DDX4: variants seen among roughly 807,000 people sequenced by gnomAD.
The protein encoded by DDX4 is DEAD-box helicase 4.
In DDX4, 25 loss-of-function variants were observed where a neutral mutation model predicts 100.0. The ratio of observed to expected loss-of-function variants is 0.25; its 90% CI spans 0.18 to 0.35. DDX4 has a LOEUF of 0.35. Ranked by LOEUF, DDX4 falls within the 10% of genes least tolerant of loss-of-function variation. DDX4 has a pLI of 1.00. For synonymous variants in DDX4, 259 were observed against 275.7 expected (o/e 0.94, Z 0.60); for missense variants, 635 against 882.4 (o/e 0.72, Z 3.55).
chr5:55,786,008 G>C (rs906245023), intron 13 of DDX4, 137 bp downstream of exon 13: 3 of 561,744 alleles, frequency 5.3e-6, no homozygotes, highest in African/African-American at 3.8e-5. Flanking sequence ...AATTTAGAAT[G>C]ATGTCTTACC....
chr5:55,772,016 C>T (rs149260052), intron 7 of DDX4, among the ~76,000 whole-genome samples: 3,741 of 152,158 alleles, frequency 0.025, 62 homozygotes, highest in South Asian at 0.052. Context: ...GTCAGGAGTT[C>T]GAGACCAGCC....
At chr5:55,771,922 C>T (rs1396416062) in intron 7 of DDX4, among the ~76,000 whole-genome samples, 1 of 149,090 alleles carries the variant, frequency 6.7e-6, no homozygotes, top group Non-Finnish European at 1.5e-5. Flanking sequence ...TTAAAAGTTG[C>T]AAGAATAGTA....
At chr5:55,805,475 C>T (rs1402368133) in intron 18 of DDX4, among the ~76,000 whole-genome samples, 1 of 151,330 alleles carries the variant, frequency 6.6e-6, no homozygotes, top group Non-Finnish European at 1.5e-5. Context: ...ATAGATAGCT[C>T]TTATTATTTT....
chr5:55,816,725 C>A lies in DDX4; in HGVS notation c.*185C>A. 2 of 968,634 alleles carry A rather than the reference C, an allele frequency of 2.1e-6. No homozygotes were observed. The highest frequency in any genetic ancestry group is 2.9e-6 in the Non-Finnish European group (2 of 693,356). The allele number at this position is 968,634 out of a possible 1,614,324, so 60.0% of individuals were successfully genotyped here. On this transcript the variant is annotated 3_prime_UTR_variant, in exon 22 of 22. Coordinates refer to ENST00000505374, the MANE Select transcript of DDX4 (RefSeq NM_024415.3). ...TGAGATGCTAAAACTTACAACATTG[C>A]AGTTACTGATACAAATGGTGTTAAC... is the stretch of plus-strand genomic sequence containing the variant.
chr5:55,788,020 A>G lies in DDX4; in HGVS notation c.1172+20A>G, dbSNP rs1742346600. The G allele has an allele frequency of 6.3e-7, 1 of 1,575,192 alleles. No individual in the cohort carries two copies. Among genetic ancestry groups the G allele is most frequent in the African/African-American group, 1.4e-5 (1 of 73,414 alleles). ...TTTTGGGTAAGTACATCAGAGTGCT[A>G]CTCACAAAATAGTTTTTTCTTTAGA... On this transcript the variant is annotated intron_variant, in intron 15 of 21. Transcript: ENST00000505374.
intron 10 of DDX4, among the ~76,000 whole-genome samples, chr5:55,784,441 C>T (rs1253697777): frequency 6.6e-6 from 1 of 152,192 alleles, no homozygotes; most frequent in Non-Finnish European, 1.5e-5. Flanking sequence ...TATTCTAAAA[C>T]ACCTTCACAG....
intron 8 of DDX4, 123 bp downstream of exon 8, chr5:55,780,188 A>G: frequency 8.5e-6 from 12 of 1,408,444 alleles, no homozygotes; most frequent in East Asian, 2.5e-5. Flanking sequence ...TCAGTGACTA[A>G]TACACATTAA....
At chr5:55,806,169 T>TA (rs1743699031) in intron 18 of DDX4, among the ~76,000 whole-genome samples, 1 of 152,238 alleles carries the variant, frequency 6.6e-6, no homozygotes, top group African/African-American at 2.4e-5. Flanking sequence ...TTGGTGGTGA[T>TA]ATCCCCTTTA....
intron 14 of DDX4, among the ~76,000 whole-genome samples, 160 bp downstream of exon 14, chr5:55,786,830 A>G (rs1186595294): frequency 2.0e-5 from 3 of 152,206 alleles, no homozygotes; most frequent in Non-Finnish European, 4.4e-5. Flanking sequence ...GGATTTGTGT[A>G]CTTCGGAAGA....
At chr5:55,801,364 A>G (rs899274152) in intron 18 of DDX4, among the ~76,000 whole-genome samples, 4 of 152,324 alleles carry the variant, frequency 2.6e-5, no homozygotes, top group East Asian at 3.9e-4. Context: ...GGTTTAGGCA[A>G]TTAGGAATGC....
intron 17 of DDX4, among the ~76,000 whole-genome samples, chr5:55,796,536 C>G (rs1742947368): frequency 6.6e-6 from 1 of 152,144 alleles, no homozygotes; most frequent in East Asian, 1.9e-4. Flanking sequence ...ATAAACCTTC[C>G]CATATCTTTC....
At chr5:55,761,013 A>T (rs934783600) in intron 4 of DDX4, among the ~76,000 whole-genome samples, 34 of 152,188 alleles carry the variant, frequency 2.2e-4, no homozygotes, top group African/African-American at 7.7e-4. Flanking sequence ...GAAAAACTCT[A>T]TTGAGACTTG....
intron 3 of DDX4, among the ~76,000 whole-genome samples, chr5:55,753,567 T>A (rs1391754304): frequency 6.6e-6 from 1 of 152,136 alleles, no homozygotes; most frequent in Non-Finnish European, 1.5e-5. Context: ...CTGTTTTGGT[T>A]ACTGTGGCCT....
intron 10 of DDX4, 109 bp downstream of exon 10, chr5:55,782,090 G>T: frequency 1.1e-5 from 14 of 1,300,922 alleles, no homozygotes; most frequent in Non-Finnish European, 1.5e-5. Flanking sequence ...TGAAGTTAAA[G>T]GTAACTGTTA....
intron 17 of DDX4, among the ~76,000 whole-genome samples, chr5:55,794,010 G>A (rs993500260): frequency 6.6e-6 from 1 of 152,220 alleles, no homozygotes; most frequent in Admixed American, 6.5e-5. Context: ...GAATAGTGGT[G>A]CTGGCTATTG....
chr5:55,808,110 C>G (rs1339543807), intron 18 of DDX4, among the ~76,000 whole-genome samples: 1 of 152,178 alleles, frequency 6.6e-6, no homozygotes, highest in East Asian at 1.9e-4. Context: ...TTGATTGAAT[C>G]GGCTACTGAG....
Position 55,792,635 on chromosome 5 carries a change from T to C in DDX4, c.1303-6T>C, listed in dbSNP as rs1742651977. 2.0e-6 allele frequency: 3 copies of C among 1,500,562 alleles called. No homozygotes were observed. The highest frequency in any genetic ancestry group is 1.4e-5 in the African/African-American group (1 of 70,610). The allele number at this position is 1,500,562 out of a possible 1,614,324, so 93.0% of individuals were successfully genotyped here. A position where few individuals can be genotyped will look rare whatever the true frequency, so the allele number is the denominator to read the frequency against. The stretch of plus-strand genomic sequence containing the variant: ...TTCTGTTTTACCTTTGAAAATATCC[T>C]TAAAGATTGGTCTCAAACAGATCAA... On this transcript the variant is annotated splice_region_variant and splice_polypyrimidine_tract_variant and intron_variant, in intron 16 of 21. Coordinates refer to ENST00000505374, the MANE Select transcript of DDX4 (RefSeq NM_024415.3).
chr5:55,759,469 C>T (rs1478154482), intron 3 of DDX4, among the ~76,000 whole-genome samples: 1 of 150,892 alleles, frequency 6.6e-6, no homozygotes, highest in Admixed American at 6.7e-5. Context: ...ATAAGAGAAT[C>T]TCATGTATAT....
At chr5:55,738,872 A>C in intron 1 of DDX4, 78 bp from the exon 2 acceptor site, 1 of 882,384 alleles carries the variant, frequency 1.1e-6, no homozygotes, top group Non-Finnish European at 1.9e-6. Context: ...TGTATGTGAA[A>C]CAATGAGTTT....
Sources: gnomAD v4.1 joint callset for allele counts (sites outside exome capture counted in the v4.1 genomes callset) on GRCh38, gnomAD v4.1.1 for gene constraint, MANE v1.5 for transcripts, NCBI Gene and HGNC (gene_info 2026-07-23, HGNC 2026-07-21) for gene names.